Variants in ASB3 observed in about 807,000 individuals in gnomAD.
The protein encoded by ASB3 is ankyrin repeat and SOCS box protein 3.
Under a neutral mutation model 54.5 loss-of-function variants are expected in ASB3, and 41 were observed. The ratio of observed to expected loss-of-function variants is 0.75; its 90% CI spans 0.59 to 0.98. The LOEUF (loss-of-function observed/expected upper bound fraction) is 0.98. Ranked by LOEUF, ASB3 falls within the 50% of genes least tolerant of loss-of-function variation. The probability of loss-of-function intolerance (pLI) is 0.00; values close to 1 mark genes in which losing one functional copy is unlikely to be tolerated. For synonymous variants in ASB3, 266 were observed against 221.2 expected, an observed-to-expected ratio of 1.20 and a Z score of -1.80; for missense variants, 733 against 620.0, an observed-to-expected ratio of 1.18 and a Z score of -1.94.
At chr2:53,776,208 T>G (rs1254817810) in intron 1 of ASB3, among the ~76,000 whole-genome samples, 1 of 152,244 alleles carries the variant, frequency 6.6e-6, no homozygotes, top group Non-Finnish European at 1.5e-5. Flanking sequence ...ATCTTAGTAA[T>G]TTACTCAGCT....
At chr2:53,759,880 A>AC (rs1673047303) in intron 2 of ASB3, among the ~76,000 whole-genome samples, 1 of 152,128 alleles carries the variant, frequency 6.6e-6, no homozygotes, top group Non-Finnish European at 1.5e-5. Flanking sequence ...GCACCAGCCC[A>AC]CGCCATCACC....
intron 5 of ASB3, among the ~76,000 whole-genome samples, chr2:53,727,456 C>A (rs1384714090): frequency 2.0e-5 from 3 of 151,412 alleles, no homozygotes; most frequent in South Asian, 2.1e-4. Context: ...GAGATTGAGA[C>A]CACATGTCTT....
intron 1 of ASB3, among the ~76,000 whole-genome samples, chr2:53,785,448 T>C (rs983087912): frequency 2.1e-5 from 3 of 145,656 alleles, no homozygotes; most frequent in African/African-American, 7.6e-5. Context: ...AAAAAAAAAA[T>C]TGACTATTAC....
At chr2:53,676,750 T>A (rs1407956853) in intron 9 of ASB3, among the ~76,000 whole-genome samples, 1 of 152,096 alleles carries the variant, frequency 6.6e-6, no homozygotes, top group East Asian at 1.9e-4. Flanking sequence ...CCATTTTTCA[T>A]CTTTTGTGCT....
chr2:53,756,379 G>T lies in ASB3; in HGVS notation c.197-5438C>A, dbSNP rs527556659. On this transcript the variant is annotated intron_variant, in intron 2 of 9. Coordinates refer to ENST00000263634, the MANE Select transcript of ASB3 (RefSeq NM_016115.5). ...AGGTTTCTTTCACTCAGTACTGAAA[G>T]AATCCTGATTAACATAGCATACAAT... is the stretch of plus-strand genomic sequence containing the variant. Among the ~76,000 whole-genome samples the T allele has an allele frequency of 4.6e-5, 7 of 152,252 alleles. No individual in the cohort carries two copies. The South Asian group carries it at 1.5e-3, about 32-fold the overall frequency.
At chr2:53,683,441 T>C (rs2103677903) in intron 9 of ASB3, among the ~76,000 whole-genome samples, 1 of 152,236 alleles carries the variant, frequency 6.6e-6, no homozygotes. Context: ...TGTTTTGTTT[T>C]GTTTTTGATG....
rs368230249 is a variant in ASB3, at chr2:53,716,674, G to C, written c.674C>G (p.Thr225Arg). Residue 225 changes from threonine (T) to arginine (R), a missense_variant, in exon 6 of 10, where the codon ACA (threonine) becomes AGA (arginine). Thr to Arg is a moderately conservative substitution (Grantham distance 71, BLOSUM62 -1). Transcript: ENST00000263634. Reference sequence around the variant, plus strand: ...GGAGAGCAAAAGCTCCACACATTTTGTGTGTCCCTCTTGAGCAGCAATGAA... The same window carrying C: ...GGAGAGCAAAAGCTCCACACATTTTCTGTGTCCCTCTTGAGCAGCAATGAA... ...PLFIAAQEGH[T>R]KCVELLLSSG... 6.2e-7 allele frequency: 1 copy of C among 1,613,984 alleles called. No individual in the cohort carries two copies. Among genetic ancestry groups the C allele is most frequent in the Non-Finnish European group, 8.5e-7 (1 of 1,180,008 alleles).
At chr2:53,739,436 T>C (rs1671813689) in intron 3 of ASB3, among the ~76,000 whole-genome samples, 1 of 152,206 alleles carries the variant, frequency 6.6e-6, no homozygotes, top group South Asian at 2.1e-4. Context: ...AAATAGTAAA[T>C]AATGATCATT....
intron 5 of ASB3, among the ~76,000 whole-genome samples, chr2:53,728,413 A>C (rs1190007821): frequency 6.6e-6 from 1 of 152,198 alleles, no homozygotes; most frequent in African/African-American, 2.4e-5. Context: ...TAGAAAGTTG[A>C]AACTGCTCAA....
Position 53,775,422 on chromosome 2 carries a change from C to G in ASB3, c.-13-9837G>C, listed in dbSNP as rs115647770. Among the ~76,000 whole-genome samples the G allele has an allele frequency of 7.5e-3, 1,142 of 152,144 alleles. 17 individuals carry two copies. Among genetic ancestry groups the G allele is most frequent in the African/African-American group, 0.026 (1,096 of 41,498 alleles). ...AGCCTGCGTCTGGCCATCCCACAGGCTGGAAAGTGTAACCTCTGGCAGAAG... is the reference window on the plus strand; with the variant it reads ...AGCCTGCGTCTGGCCATCCCACAGGGTGGAAAGTGTAACCTCTGGCAGAAG... On this transcript the variant is annotated intron_variant, in intron 1 of 9. Transcript: ENST00000263634.
At chr2:53,722,697 A>G (rs1670776736) in intron 5 of ASB3, among the ~76,000 whole-genome samples, 1 of 152,188 alleles carries the variant, frequency 6.6e-6, no homozygotes, top group Admixed American at 6.5e-5. Flanking sequence ...ATGTATCTTA[A>G]TAAGAATCAT....
intron 7 of ASB3, among the ~76,000 whole-genome samples, chr2:53,709,949 G>C (rs1159754661): frequency 1.3e-5 from 2 of 152,190 alleles, no homozygotes; most frequent in Admixed American, 6.5e-5. Flanking sequence ...CCGTCCTGTG[G>C]GGAGGCTTTT....
chr2:53,754,049 T>C (rs1672679498), intron 2 of ASB3, among the ~76,000 whole-genome samples: 1 of 152,006 alleles, frequency 6.6e-6, no homozygotes, highest in South Asian at 2.1e-4. Flanking sequence ...CGGAGCACAC[T>C]GTAGGTCCAA....
rs956749002 is a variant in ASB3 at position 53,717,747 on chromosome 2, G to C, written c.605-1004C>G. On this transcript the variant is annotated intron_variant, in intron 5 of 9. Coordinates refer to ENST00000263634, the MANE Select transcript of ASB3 (RefSeq NM_016115.5). Reference sequence around the variant, plus strand: ...AATTCAAAGCAAGGATTGCAAGGAAGCTCAACAAGATCCAGACAAGGTTGA... The same window carrying C: ...AATTCAAAGCAAGGATTGCAAGGAACCTCAACAAGATCCAGACAAGGTTGA... Among the ~76,000 whole-genome samples the C allele has an allele frequency of 3.9e-5, 6 of 152,048 alleles. No individual in the cohort carries two copies. In the East Asian group the frequency reaches 1.2e-3, roughly 29 times the overall value.
chr2:53,671,037 C>A (rs575890629), intron 9 of ASB3, among the ~76,000 whole-genome samples: 1 of 152,328 alleles, frequency 6.6e-6, no homozygotes, highest in African/African-American at 2.4e-5. Context: ...CTACCTTCCT[C>A]TTAATCTATT....
chr2:53,775,343 G>A (rs1674257096), intron 1 of ASB3: 1 of 152,042 alleles, frequency 6.6e-6, no homozygotes, highest in Admixed American at 6.6e-5. Context: ...CTCAATTTGT[G>A]TGTGTGTGTG....
intron 1 of ASB3, chr2:53,772,012 T>C: frequency 1.1e-6 from 1 of 880,832 alleles, no homozygotes; most frequent in Non-Finnish European, 1.8e-6. Flanking sequence ...TGTTTCAATT[T>C]GATTAACAAT....
intron 1 of ASB3, 132 bp from the exon 2 acceptor site, chr2:53,765,717 G>A (rs1322509486): frequency 2.8e-6 from 3 of 1,055,314 alleles, no homozygotes; most frequent in Non-Finnish European, 4.0e-6. Context: ...AATACAGAAA[G>A]TGACTGCCAT....
chr2:53,706,785 T>G (rs1394812478), intron 7 of ASB3, among the ~76,000 whole-genome samples: 1 of 152,148 alleles, frequency 6.6e-6, no homozygotes, highest in African/African-American at 2.4e-5. Context: ...CCCAGCATTC[T>G]CAGCCCTGAT....
Sources: gnomAD v4.1 joint callset for allele counts (sites outside exome capture counted in the v4.1 genomes callset) on GRCh38, gnomAD v4.1.1 for gene constraint, MANE v1.5 for transcripts, NCBI Gene and HGNC (gene_info 2026-07-23, HGNC 2026-07-21) for gene names.